BTBD8: variants seen among roughly 807,000 people sequenced by gnomAD.
BTBD8 encodes BTB domain containing 8, also known as BTB/POZ domain-containing protein 8.
Under a neutral mutation model 162.9 loss-of-function variants are expected in BTBD8, and 110 were observed. The observed-to-expected ratio is 0.68, with a 90% confidence interval of 0.58 to 0.79. The LOEUF is 0.79. BTBD8 is among the 30% of genes least tolerant of loss of function. The probability of loss-of-function intolerance (pLI) is 0.00; values close to 1 mark genes in which losing one functional copy is unlikely to be tolerated. For synonymous variants in BTBD8, 667 were observed against 716.1 expected (o/e 0.93, Z 1.10); for missense variants, 1,905 against 2,085.4 (o/e 0.91, Z 1.68).
Position 92,080,419 on chromosome 1 carries a change from G to A in BTBD8, c.-153G>A. 1.7e-6 allele frequency: 2 copies of A among 1,150,928 alleles called. No homozygotes were observed. Among genetic ancestry groups the A allele is most frequent in the Non-Finnish European group, 2.4e-6 (2 of 836,198 alleles). The allele number at this position is 1,150,928 out of a possible 1,614,324, so 71.3% of individuals were successfully genotyped here. ...CGCGGTCCGGCTTCTCTGGGAGACT[G>A]TCTACAAACCGACGAGAGGCGTCAA... On this transcript the variant is annotated 5_prime_UTR_variant, in exon 1 of 18. Coordinates refer to ENST00000636805, the MANE Select transcript of BTBD8 (RefSeq NM_001376131.1).
In BTBD8 at chr1:92,158,514, T is replaced by C. The variant is rs971105440; in HGVS notation, c.1123-8444T>C. 1.7e-4 allele frequency among the ~76,000 whole-genome samples: 26 copies of C among 152,262 alleles called. 1 individual carries two copies. Among genetic ancestry groups the C allele is most frequent in the Admixed American group, 1.6e-3 (25 of 15,302 alleles). On this transcript the variant is annotated intron_variant, in intron 9 of 17. Transcript: ENST00000636805. ...TACACTTCTCCCCCCACACATACAC[T>C]CTGTTACTGATTTCACCATTTATAT...
At chr1:92,169,267 G>A (rs879902024) in intron 12 of BTBD8, among the ~76,000 whole-genome samples, 33 of 152,130 alleles carry the variant, frequency 2.2e-4, no homozygotes, top group Non-Finnish European at 4.0e-4. Flanking sequence ...TTGCTTACAA[G>A]CATTCTTGTG....
chr1:92,097,689 C>T (rs1310758405), intron 2 of BTBD8, among the ~76,000 whole-genome samples: 2 of 152,266 alleles, frequency 1.3e-5, no homozygotes, highest in African/African-American at 4.8e-5. Context: ...TTTCACAGTT[C>T]ATCTATGTTG....
intron 14 of BTBD8, 56 bp from the exon 15 acceptor site, chr1:92,177,755 G>A (rs538931123): frequency 4.7e-6 from 5 of 1,055,588 alleles, no homozygotes; most frequent in East Asian, 2.6e-5. Context: ...AAACTTACAC[G>A]TTTGTTACAT....
At chr1:92,117,579 G>T (rs1004412792) in intron 4 of BTBD8, among the ~76,000 whole-genome samples, 2 of 151,836 alleles carry the variant, frequency 1.3e-5, no homozygotes, top group Non-Finnish European at 2.9e-5. Flanking sequence ...TTTATTCTTT[G>T]CCAGGCTTTG....
At position 92,147,106 on chromosome 1, in the gene BTBD8, A is replaced by G. The variant is rs1056254735; in HGVS notation, c.931-74A>G. 6 of 1,163,188 alleles carry G rather than the reference A, an allele frequency of 5.2e-6. No individual in the cohort carries two copies. The African/African-American group carries it at 9.4e-5, about 18-fold the overall frequency. The allele number at this position is 1,163,188 out of a possible 1,614,324, so 72.1% of individuals were successfully genotyped here. The stretch of plus-strand genomic sequence containing the variant: ...GCAGTTTAGGTATATAAATTGGATT[A>G]TCTTTATGAACCAAATATTTTTAGG... On this transcript the variant is annotated intron_variant, in intron 7 of 17. Transcript: ENST00000636805.
At chr1:92,099,435 A>AT (rs1256536260) in intron 2 of BTBD8, among the ~76,000 whole-genome samples, 1 of 151,746 alleles carries the variant, frequency 6.6e-6, no homozygotes, top group South Asian at 2.1e-4. Flanking sequence ...AAAAAAAAAA[A>AT]GTCAGCTGGA....
intron 2 of BTBD8, among the ~76,000 whole-genome samples, chr1:92,090,112 A>C (rs1432190138): frequency 6.6e-6 from 1 of 152,132 alleles, no homozygotes; most frequent in Non-Finnish European, 1.5e-5. Flanking sequence ...CGTATATACA[A>C]ATTTTTCTGT....
intron 1 of BTBD8, among the ~76,000 whole-genome samples, chr1:92,083,433 G>T (rs1276740294): frequency 6.6e-6 from 1 of 152,122 alleles, no homozygotes; most frequent in African/African-American, 2.4e-5. Context: ...GCATTGGCCA[G>T]TGGCTAACCT....
At chr1:92,126,606 ATTGTACGG>A in intron 4 of BTBD8, 2 of 374,500 alleles carry the variant, frequency 5.3e-6, no homozygotes, top group Non-Finnish European at 1.0e-5. Context: ...AGTTGCACTT[ATTGTACGG>A]TTTTTAATTT....
intron 9 of BTBD8, among the ~76,000 whole-genome samples, chr1:92,166,104 A>G (rs1173030449): frequency 2.0e-5 from 3 of 152,162 alleles, no homozygotes; most frequent in Non-Finnish European, 4.4e-5. Flanking sequence ...ATAGAGATCA[A>G]TATTTGTGAA....
intron 2 of BTBD8, among the ~76,000 whole-genome samples, chr1:92,099,003 A>G (rs1648520917): frequency 6.6e-6 from 1 of 152,200 alleles, no homozygotes; most frequent in Non-Finnish European, 1.5e-5. Context: ...GCCTATGTTT[A>G]CTTAAAACAG....
chr1:92,139,687 G>A, intron 6 of BTBD8: 3 of 561,612 alleles, frequency 5.3e-6, no homozygotes, highest in Non-Finnish European at 7.2e-6. Flanking sequence ...ATAAATTATG[G>A]TTTATAGATC....
rs551497174 is a variant in BTBD8 at position 92,110,122 on chromosome 1, A to G, written c.662+2121A>G. ...GGTAGTCTCTCCAGTTGCTCTGTCCATTCTTTACCATGATCCTCAGCCCAA... is the reference window on the plus strand; with the variant it reads ...GGTAGTCTCTCCAGTTGCTCTGTCCGTTCTTTACCATGATCCTCAGCCCAA... On this transcript the variant is annotated intron_variant, in intron 4 of 17. Transcript: ENST00000636805. 2.0e-5 allele frequency among the ~76,000 whole-genome samples: 3 copies of G among 152,272 alleles called. No individual in the cohort carries two copies. The East Asian group carries it at 5.8e-4, about 29-fold the overall frequency.
intron 4 of BTBD8, chr1:92,125,728 T>A: frequency 4.5e-6 from 2 of 440,746 alleles, no homozygotes; most frequent in East Asian, 5.8e-5. Context: ...GAAAAGAATG[T>A]GCTGATTTCA....
chr1:92,141,028 A>G (rs1390146196), intron 6 of BTBD8, 87 bp from the exon 7 acceptor site: 1 of 1,223,198 alleles, frequency 8.2e-7, no homozygotes, highest in African/African-American at 1.6e-5. Context: ...TTTTTTAAAA[A>G]CAGACTATAT....
intron 2 of BTBD8, among the ~76,000 whole-genome samples, chr1:92,092,640 TG>T (rs1270429568): frequency 6.6e-6 from 1 of 152,190 alleles, no homozygotes; most frequent in Non-Finnish European, 1.5e-5. Context: ...CACCCATAAA[TG>T]TGAGGGTTTA....
chr1:92,129,108 A>G (rs147301118), intron 4 of BTBD8, among the ~76,000 whole-genome samples: 2 of 152,012 alleles, frequency 1.3e-5, no homozygotes, highest in Admixed American at 6.6e-5. Flanking sequence ...CTACCTTTTT[A>G]TATTTAAAAA....
At chr1:92,134,816 G>T (rs563983185) in intron 5 of BTBD8, among the ~76,000 whole-genome samples, 68 of 151,962 alleles carry the variant, frequency 4.5e-4, no homozygotes, top group African/African-American at 1.6e-3. Flanking sequence ...CACACACAGG[G>T]CTCCACATAG....
Sources: gnomAD v4.1 joint callset for allele counts (sites outside exome capture counted in the v4.1 genomes callset) on GRCh38, gnomAD v4.1.1 for gene constraint, MANE v1.5 for transcripts, NCBI Gene and HGNC (gene_info 2026-07-23, HGNC 2026-07-21) for gene names.